Variants in LIMCH1 observed in about 807,000 individuals in gnomAD.
LIMCH1 encodes LIM and calponin homology domains 1.
LIMCH1 carries 113 observed loss-of-function variants against 176.5 expected under a neutral mutation model. That is an observed-to-expected ratio of 0.64 (90% CI 0.55 to 0.75). The LOEUF (loss-of-function observed/expected upper bound fraction) is 0.75. LIMCH1 is among the 30% of genes least tolerant of loss of function. LIMCH1 has a pLI of 0.00. For missense variants in LIMCH1, 1,674 were observed against 1,814.9 expected, an observed-to-expected ratio of 0.92 and a Z score of 1.41; for synonymous variants, 619 against 645.9, an observed-to-expected ratio of 0.96 and a Z score of 0.63.
intron 4 of LIMCH1, 118 bp from the exon 5 acceptor site, chr4:41,613,348 C>T (rs1378120307): frequency 4.4e-6 from 4 of 902,934 alleles, no homozygotes; most frequent in Non-Finnish European, 6.7e-6. Flanking sequence ...CTGGTTTCCA[C>T]AACCTTTCCA....
Position 41,646,790 on chromosome 4 carries a change from G to A in LIMCH1, c.2717G>A (p.Ser906Asn). Reference sequence around the variant, plus strand: ...CTGGATACCAGCATGTCAGCAGGCAGTGGGTCTCCAAGCAAAACTGTCACT... The same window carrying A: ...CTGGATACCAGCATGTCAGCAGGCAATGGGTCTCCAAGCAAAACTGTCACT... Reference protein sequence around the residue: ...SVLDTSMSAGSGSPSKTVTPK... With the variant: ...SVLDTSMSAGNGSPSKTVTPK... Residue 906 changes from serine (S) to asparagine (N), a missense_variant, in exon 17 of 32, where the codon AGT (serine) becomes AAT (asparagine). Around this residue, in one of 3 missense-constraint regions of LIMCH1, gnomAD observed 1,015 missense variants for 1,102.5 expected, o/e 0.92. Coordinates refer to ENST00000503057, the MANE Select transcript of LIMCH1 (RefSeq NM_001330672.2). 1 of 1,614,180 alleles carries A rather than the reference G, an allele frequency of 6.2e-7. No individual in the cohort carries two copies.
chr4:41,633,684 G>A lies in LIMCH1; in HGVS notation c.1966G>A (p.Ala656Thr), dbSNP rs1323382343. ...TGATTCACGAAAAGATGACATGATG[G>A]CCAGGAGAACTGGGATGTCCCTTAG... is the stretch of plus-strand genomic sequence containing the variant. ...LDDSRKDDMM[A>T]RRTGMSLRHT... The change falls in exon 13 of 32, where the codon GCC becomes ACC. Residue 656 changes from alanine (A) to threonine (T), a missense_variant. Ala to Thr is a moderately conservative substitution (Grantham distance 58, BLOSUM62 0). Around this residue, in one of 3 missense-constraint regions of LIMCH1, gnomAD observed 1,015 missense variants for 1,102.5 expected, o/e 0.92. Transcript: ENST00000503057. The A allele has an allele frequency of 6.5e-7, 1 of 1,536,042 alleles. No homozygotes were observed. Among genetic ancestry groups the A allele is most frequent in the Non-Finnish European group, 8.7e-7 (1 of 1,146,928 alleles).
At chr4:41,679,950 TCC>T in intron 23 of LIMCH1, 54 bp from the exon 24 acceptor site, 1 of 1,201,120 alleles carries the variant, frequency 8.3e-7, no homozygotes, top group African/African-American at 1.5e-5. Flanking sequence ...GGGGGAAAAT[TCC>T]CGATGACGTA....
intron 1 of LIMCH1, among the ~76,000 whole-genome samples, chr4:41,567,791 A>G (rs1023317553): frequency 1.2e-4 from 19 of 152,182 alleles, no homozygotes; most frequent in African/African-American, 4.6e-4. Flanking sequence ...CTTTTTTTAG[A>G]AATCTTGTGC....
chr4:41,660,404 A>G (rs2094580266), intron 18 of LIMCH1, among the ~76,000 whole-genome samples: 1 of 152,226 alleles, frequency 6.6e-6, no homozygotes, highest in Admixed American at 6.5e-5. Context: ...GGAGATGAAC[A>G]TGACAGTGAT....
At chr4:41,411,818 C>T (rs1425342005) in intron 1 of LIMCH1, among the ~76,000 whole-genome samples, 4 of 151,708 alleles carry the variant, frequency 2.6e-5, no homozygotes, top group East Asian at 1.9e-4. Context: ...ATTAGCCCGG[C>T]GTGGTGGCAG....
At chr4:41,472,275 G>A (rs1166379486) in intron 1 of LIMCH1, among the ~76,000 whole-genome samples, 3 of 152,104 alleles carry the variant, frequency 2.0e-5, no homozygotes, top group African/African-American at 7.2e-5. Flanking sequence ...CCTGTTTGGC[G>A]CCTGAAGCCA....
At chr4:41,637,112 A>G (rs911869299) in intron 13 of LIMCH1, among the ~76,000 whole-genome samples, 1 of 152,230 alleles carries the variant, frequency 6.6e-6, no homozygotes, top group Non-Finnish European at 1.5e-5. Context: ...ATGTATTCCA[A>G]TAGGCCTATT....
intron 20 of LIMCH1, among the ~76,000 whole-genome samples, chr4:41,664,202 A>G (rs1585555987): frequency 6.6e-6 from 1 of 152,188 alleles, no homozygotes; most frequent in Non-Finnish European, 1.5e-5. Context: ...GTGGTGTACC[A>G]CCTTTCAGAA....
chr4:41,548,974 A>G (rs2079995235), intron 1 of LIMCH1, among the ~76,000 whole-genome samples: 1 of 152,154 alleles, frequency 6.6e-6, no homozygotes, highest in African/African-American at 2.4e-5. Context: ...TGTGGAGTGA[A>G]AGATAAAACT....
At position 41,646,647 on chromosome 4, in the gene LIMCH1, G is replaced by A; in HGVS notation, c.2574G>A (p.Glu858=). The A allele has an allele frequency of 6.2e-7, 1 of 1,614,220 alleles. No homozygotes were observed. Among genetic ancestry groups the A allele is most frequent in the Non-Finnish European group, 8.5e-7 (1 of 1,180,044 alleles). Reference sequence around the variant, plus strand: ...TTCTGGAAAGAAGCCATTCAACAGAGCCAAATTTATCCTCCTTCCTGAATG... The same window carrying A: ...TTCTGGAAAGAAGCCATTCAACAGAACCAAATTTATCCTCCTTCCTGAATG... ...PKILERSHST[E]PNLSSFLNDP... Residue 858 remains glutamate (E), a synonymous_variant, in exon 17 of 32, where the codon GAG becomes GAA. Coordinates refer to ENST00000503057, the MANE Select transcript of LIMCH1 (RefSeq NM_001330672.2).
At chr4:41,630,976 T>G (rs1010844886) in intron 9 of LIMCH1, among the ~76,000 whole-genome samples, 172 bp from the exon 10 acceptor site, 10 of 152,280 alleles carry the variant, frequency 6.6e-5, no homozygotes, top group Admixed American at 1.3e-4. Flanking sequence ...TTTGTGGAAT[T>G]TTTTTCTCCC....
intron 5 of LIMCH1, among the ~76,000 whole-genome samples, chr4:41,614,664 G>A (rs1269360085): frequency 6.6e-6 from 1 of 152,102 alleles, no homozygotes; most frequent in Non-Finnish European, 1.5e-5. Context: ...TTGGTACACA[G>A]TATCTCATTT....
At chr4:41,638,819 C>A in intron 13 of LIMCH1, 113 bp from the exon 14 acceptor site, 1 of 829,332 alleles carries the variant, frequency 1.2e-6, no homozygotes, top group East Asian at 2.5e-5. Flanking sequence ...TTCAGTATCT[C>A]AGCAAAAAAG....
At chr4:41,532,870 A>G (rs148191864) in intron 3 of LIMCH1, among the ~76,000 whole-genome samples, 2 of 152,322 alleles carry the variant, frequency 1.3e-5, no homozygotes, top group Non-Finnish European at 2.9e-5. Context: ...TAAAACAACA[A>G]CATTTATCAT....
chr4:41,677,893 G>T (rs888577706), intron 23 of LIMCH1, among the ~76,000 whole-genome samples: 1 of 152,036 alleles, frequency 6.6e-6, no homozygotes, highest in African/African-American at 2.4e-5. Flanking sequence ...TAATTTTGAT[G>T]ACTTTCTGCT....
chr4:41,617,470 G>A (rs2092211579), intron 5 of LIMCH1, among the ~76,000 whole-genome samples: 1 of 152,138 alleles, frequency 6.6e-6, no homozygotes. Context: ...GTAGGGTAAT[G>A]TTTGTTTATA....
intron 14 of LIMCH1, among the ~76,000 whole-genome samples, chr4:41,641,061 A>G (rs1025740893): frequency 6.6e-6 from 1 of 152,184 alleles, no homozygotes; most frequent in Non-Finnish European, 1.5e-5. Context: ...CCCAGAAACA[A>G]TTTCCAGGCC....
intron 1 of LIMCH1, among the ~76,000 whole-genome samples, chr4:41,458,960 C>G (rs2064968530): frequency 6.6e-6 from 1 of 151,946 alleles, no homozygotes; most frequent in African/African-American, 2.4e-5. Context: ...TGCTGTTCAA[C>G]CTGCTGAAGT....
Sources: gnomAD v4.1 joint callset for allele counts (sites outside exome capture counted in the v4.1 genomes callset) on GRCh38, gnomAD v4.1.1 for gene constraint, gnomAD v4.1.1 regional missense constraint, MANE v1.5 for transcripts, NCBI Gene and HGNC (gene_info 2026-07-23, HGNC 2026-07-21) for gene names.